Variants in CYP4X1 observed in about 807,000 individuals in gnomAD.
CYP4X1 encodes the protein cytochrome P450 family 4 subfamily X member 1, also known as cytochrome P450 4X1.
CYP4X1 carries 44 observed loss-of-function variants against 57.9 expected under a neutral mutation model. That is an observed-to-expected ratio of 0.76 (90% CI 0.60 to 0.98). The LOEUF (loss-of-function observed/expected upper bound fraction) is 0.98, where lower values mean the gene tolerates loss of function less well. Ranked by LOEUF, CYP4X1 falls within the 50% of genes least tolerant of loss-of-function variation. The pLI is 0.00. For missense variants in CYP4X1, 532 were observed against 623.9 expected (o/e 0.85, Z 1.57); for synonymous variants, 227 against 228.6 (o/e 0.99, Z 0.06).
chr1:47,031,743 T>C (rs1569620752), intron 3 of CYP4X1, among the ~76,000 whole-genome samples: 1 of 152,116 alleles, frequency 6.6e-6, no homozygotes, highest in African/African-American at 2.4e-5. Flanking sequence ...CCCCTCTCTC[T>C]TTAAAACTAC....
downstream of CYP4X1, among the ~76,000 whole-genome samples, chr1:47,054,899 A>C (rs1309644497): frequency 6.6e-6 from 1 of 152,132 alleles, no homozygotes; most frequent in Non-Finnish European, 1.5e-5. Context: ...TTCCTAATTG[A>C]ATGCCCTTTA....
At chr1:47,028,608 A>G (rs996242336) in intron 1 of CYP4X1, among the ~76,000 whole-genome samples, 6 of 152,216 alleles carry the variant, frequency 3.9e-5, no homozygotes, top group African/African-American at 1.2e-4. Context: ...TAAATATAGT[A>G]CAGTATTCAC....
the CYP4X1 span, among the ~76,000 whole-genome samples, chr1:47,014,156 G>T: frequency 1.3e-5 from 2 of 152,130 alleles, no homozygotes; most frequent in African/African-American, 4.8e-5. Flanking sequence ...TATTGACATT[G>T]TAAAATTAAA....
At chr1:47,024,051 G>C in intron 1 of CYP4X1, 57 bp downstream of exon 1, 1 of 1,544,522 alleles carries the variant, frequency 6.5e-7, no homozygotes. Context: ...GGATGCGGCA[G>C]AGGAGCCCAG....
At chr1:46,962,877 G>A in the CYP4X1 span, among the ~76,000 whole-genome samples, 1 of 152,290 alleles carries the variant, frequency 6.6e-6, no homozygotes, top group Non-Finnish European at 1.5e-5. Flanking sequence ...TTATTATTGT[G>A]TGGGAGTCTA....
the CYP4X1 span, among the ~76,000 whole-genome samples, chr1:46,985,335 AT>A: frequency 6.6e-6 from 1 of 152,194 alleles, no homozygotes; most frequent in East Asian, 1.9e-4. Flanking sequence ...CTCAAAAAAA[AT>A]AAATAGATAA....
the CYP4X1 span, among the ~76,000 whole-genome samples, chr1:46,985,106 G>T: frequency 2.6e-5 from 4 of 152,182 alleles, no homozygotes; most frequent in African/African-American, 9.7e-5. Context: ...TTCCAACTGG[G>T]CAGAGCCCTC....
chr1:46,962,915 A>G, the CYP4X1 span, among the ~76,000 whole-genome samples: 3 of 152,178 alleles, frequency 2.0e-5, no homozygotes, highest in Non-Finnish European at 4.4e-5. Flanking sequence ...CTAAGGACTT[A>G]CTTTATGAAT....
intron 1 of CYP4X1, among the ~76,000 whole-genome samples, chr1:47,029,765 G>A (rs1644106592): frequency 6.6e-6 from 1 of 152,130 alleles, no homozygotes; most frequent in Non-Finnish European, 1.5e-5. Flanking sequence ...GACTTGGTCT[G>A]GGGGTACAGG....
At chr1:47,038,812 A>G (rs1419462519) in intron 7 of CYP4X1, 46 bp downstream of exon 7, 2 of 1,519,886 alleles carry the variant, frequency 1.3e-6, no homozygotes, top group African/African-American at 2.8e-5. Flanking sequence ...CCAGTTAATT[A>G]TGTAAGTAGG....
chr1:47,026,587 G>A (rs948665681), intron 1 of CYP4X1, among the ~76,000 whole-genome samples: 1 of 152,062 alleles, frequency 6.6e-6, no homozygotes, highest in Non-Finnish European at 1.5e-5. Context: ...ACCAGCTAGG[G>A]TTCTGCTTGG....
chr1:46,973,097 G>A, the CYP4X1 span, among the ~76,000 whole-genome samples: 1 of 151,850 alleles, frequency 6.6e-6, no homozygotes, highest in Non-Finnish European at 1.5e-5. Flanking sequence ...ATTTTTTTAG[G>A]TATGTACCTT....
At position 47,023,817 on chromosome 1, in the gene CYP4X1, C is replaced by G; in HGVS notation, c.-1C>G. ...GCCGGCGTTCGGCGCTGCGCAGAGC[C>G]ATGGAATTCTCCTGGCTGGAGACGC... On this transcript the variant is annotated 5_prime_UTR_variant, in exon 1 of 12. Transcript: ENST00000371901. 6.2e-7 allele frequency: 1 copy of G among 1,612,604 alleles called. No homozygotes were observed. Among genetic ancestry groups the G allele is most frequent in the Non-Finnish European group, 8.5e-7 (1 of 1,179,800 alleles).
At chr1:47,000,100 C>T in the CYP4X1 span, among the ~76,000 whole-genome samples, 1 of 152,102 alleles carries the variant, frequency 6.6e-6, no homozygotes, top group African/African-American at 2.4e-5. Flanking sequence ...GGGAGGTGAT[C>T]GGATCATGGA....
At chr1:47,007,050 G>T in the CYP4X1 span, among the ~76,000 whole-genome samples, 1 of 152,206 alleles carries the variant, frequency 6.6e-6, no homozygotes, top group African/African-American at 2.4e-5. Flanking sequence ...AGACTTAAAT[G>T]TCCCTGTCTG....
At chr1:47,029,870 C>A in intron 1 of CYP4X1, 120 bp from the exon 2 acceptor site, 1 of 1,089,800 alleles carries the variant, frequency 9.2e-7, no homozygotes, top group Non-Finnish European at 1.3e-6. Flanking sequence ...ATGTCACTTC[C>A]AGAAAAGTCT....
the CYP4X1 span, among the ~76,000 whole-genome samples, chr1:47,015,168 T>C: frequency 6.6e-6 from 1 of 152,214 alleles, no homozygotes; most frequent in South Asian, 2.1e-4. Flanking sequence ...TACAGTTTTG[T>C]ATCCTGGTAT....
At chr1:46,965,787 A>G in the CYP4X1 span, among the ~76,000 whole-genome samples, 1 of 152,234 alleles carries the variant, frequency 6.6e-6, no homozygotes, top group African/African-American at 2.4e-5. Context: ...TGTATTCTCT[A>G]TAGCTGGCAG....
chr1:47,007,444 G>C, the CYP4X1 span, among the ~76,000 whole-genome samples: 1 of 152,162 alleles, frequency 6.6e-6, no homozygotes, highest in Non-Finnish European at 1.5e-5. Flanking sequence ...CATGATCAAA[G>C]ACCAAAGGTA....
Sources: gnomAD v4.1 joint callset for allele counts (sites outside exome capture counted in the v4.1 genomes callset) on GRCh38, gnomAD v4.1.1 for gene constraint, MANE v1.5 for transcripts, NCBI Gene and HGNC (gene_info 2026-07-23, HGNC 2026-07-21) for gene names.